The following ASPH variants were observed in gnomAD, a reference collection of about 807,000 sequenced individuals.
ASPH encodes the protein aspartyl/asparaginyl beta-hydroxylase.
ASPH carries 100 observed loss-of-function variants against 118.4 expected under a neutral mutation model. That is an observed-to-expected ratio of 0.84 (90% CI 0.72 to 1.00). The LOEUF is 1.00. Among genes scored for constraint, ASPH ranks in the 50% least tolerant of loss-of-function variants. The pLI, the probability that ASPH is intolerant of heterozygous loss-of-function variation, is 0.00. For missense variants in ASPH, 920 were observed against 919.5 expected (o/e 1.00, Z -0.01); for synonymous variants, 315 against 325.6 (o/e 0.97, Z 0.35).
chr8:61,662,499 C>A lies in ASPH; in HGVS notation c.323-8839G>T, dbSNP rs1817417086. On this transcript the variant is annotated intron_variant, in intron 3 of 24. Transcript: ENST00000379454. ...AGAAAACAATATGAAGCAAACAATA[C>A]AGAAATAACAACCTACTGAATAAAA... Among the ~76,000 whole-genome samples the A allele has an allele frequency of 2.0e-5, 3 of 152,090 alleles. No homozygotes were observed. The South Asian group carries it at 6.2e-4, about 31-fold the overall frequency.
chr8:61,589,197 T>C (rs932442754), intron 14 of ASPH, among the ~76,000 whole-genome samples: 1 of 152,198 alleles, frequency 6.6e-6, no homozygotes, highest in Non-Finnish European at 1.5e-5. Flanking sequence ...TAGATGTATA[T>C]GCATCATAGA....
At chr8:61,649,890 T>C (rs1285326482) in intron 5 of ASPH, among the ~76,000 whole-genome samples, 1 of 152,116 alleles carries the variant, frequency 6.6e-6, no homozygotes, top group Non-Finnish European at 1.5e-5. Context: ...AAAAATATCC[T>C]TTTTCTCATG....
intron 1 of ASPH, among the ~76,000 whole-genome samples, chr8:61,685,364 T>C (rs1268794191): frequency 6.6e-6 from 1 of 152,142 alleles, no homozygotes; most frequent in Non-Finnish European, 1.5e-5. Flanking sequence ...CAGGAATAAT[T>C]ATCTGTTTTA....
Position 61,546,323 on chromosome 8 carries a change from G to A in ASPH, c.1764+1748C>T, listed in dbSNP as rs185869329. On this transcript the variant is annotated intron_variant, in intron 21 of 24. Coordinates refer to ENST00000379454, the MANE Select transcript of ASPH (RefSeq NM_004318.4). ...TAAGCCAGGTTTGAATTGCATTTCCGTGTTTTGAATTTGAAAGGATCCCAA... is the reference window on the plus strand; with the variant it reads ...TAAGCCAGGTTTGAATTGCATTTCCATGTTTTGAATTTGAAAGGATCCCAA... Among the ~76,000 whole-genome samples the A allele has an allele frequency of 5.1e-4, 78 of 152,266 alleles. 1 individual carries two copies. The highest frequency in any genetic ancestry group is 1.7e-3 in the African/African-American group (69 of 41,556).
At chr8:61,706,331 G>T (rs1271678348) in intron 1 of ASPH, among the ~76,000 whole-genome samples, 1 of 146,878 alleles carries the variant, frequency 6.8e-6, no homozygotes, top group Non-Finnish European at 1.5e-5. Flanking sequence ...GCTGAGGTCG[G>T]AGGATCACCG....
At chr8:61,665,092 T>C in intron 3 of ASPH, 2 of 1,409,926 alleles carry the variant, frequency 1.4e-6, no homozygotes, top group Middle Eastern at 2.5e-4. Context: ...AGACGGTATA[T>C]TTAAATTTCA....
intron 13 of ASPH, among the ~76,000 whole-genome samples, chr8:61,630,241 A>G (rs77971951): frequency 4.3e-4 from 65 of 152,306 alleles, no homozygotes; most frequent in African/African-American, 1.4e-3. Flanking sequence ...GAAAAGAAAA[A>G]GTGAACTAAT....
chr8:61,543,117 T>A lies in ASPH; in HGVS notation c.1764+4954A>T, dbSNP rs915175291. Among the ~76,000 whole-genome samples the A allele has an allele frequency of 2.0e-5, 3 of 152,212 alleles. No individual in the cohort carries two copies. In the South Asian group the frequency reaches 6.2e-4, roughly 32 times the overall value. Reference sequence around the variant, plus strand: ...TGATGTGTCTAGGTATGTTTCTGAGTTTATCCTCCTTATAATTCATTGAGC... The same window carrying A: ...TGATGTGTCTAGGTATGTTTCTGAGATTATCCTCCTTATAATTCATTGAGC... On this transcript the variant is annotated intron_variant, in intron 21 of 24. Transcript: ENST00000379454.
At chr8:61,623,210 C>A (rs917318135) in intron 13 of ASPH, among the ~76,000 whole-genome samples, 4 of 152,188 alleles carry the variant, frequency 2.6e-5, no homozygotes, top group Non-Finnish European at 5.9e-5. Context: ...ACATGCTCAC[C>A]AGCATTCATT....
chr8:61,682,200 A>G (rs1466492933), intron 2 of ASPH, among the ~76,000 whole-genome samples: 1 of 152,072 alleles, frequency 6.6e-6, no homozygotes, highest in African/African-American at 2.4e-5. Context: ...TGATGAAAGA[A>G]GAGATAAGGA....
intron 3 of ASPH, chr8:61,665,618 T>C (rs891690946): frequency 6.4e-7 from 1 of 1,551,064 alleles, no homozygotes; most frequent in Admixed American, 2.2e-5. Context: ...TTTCAGATTT[T>C]CCAATTAAAG....
intron 21 of ASPH, 77 bp downstream of exon 21, chr8:61,547,994 T>C (rs1174398670): frequency 1.4e-6 from 2 of 1,474,966 alleles, no homozygotes; most frequent in Non-Finnish European, 1.8e-6. Flanking sequence ...GACATTCCTT[T>C]TTATGATAAA....
intron 3 of ASPH, chr8:61,658,771 G>A (rs1815148673): frequency 6.6e-6 from 1 of 152,018 alleles, no homozygotes; most frequent in Non-Finnish European, 1.5e-5. Flanking sequence ...AATCTTTTGG[G>A]TTCTTCAAAA....
chr8:61,590,295 C>T (rs1414544138), intron 14 of ASPH, among the ~76,000 whole-genome samples: 1 of 152,048 alleles, frequency 6.6e-6, no homozygotes, highest in African/African-American at 2.4e-5. Flanking sequence ...AGAGTGCTTG[C>T]TCTGGGAGTA....
intron 1 of ASPH, 142 bp from the exon 2 acceptor site, chr8:61,684,330 A>G: frequency 3.6e-6 from 3 of 844,916 alleles, no homozygotes; most frequent in South Asian, 4.9e-5. Context: ...TTCTCAAAAC[A>G]CGTCACACAA....
intron 1 of ASPH, 156 bp from the exon 2 acceptor site, chr8:61,684,344 ATTT>A (rs1424852809): frequency 3.8e-6 from 3 of 785,016 alleles, no homozygotes; most frequent in Non-Finnish European, 5.7e-6. Flanking sequence ...CACACAAAAT[ATTT>A]CTGAAAACAG....
chr8:61,682,390 C>A (rs1206446551), intron 2 of ASPH: 3 of 1,552,154 alleles, frequency 1.9e-6, no homozygotes, highest in Non-Finnish European at 2.7e-6. Flanking sequence ...AAGGATGAGC[C>A]ATTAGAGAGT....
At chr8:61,640,176 TG>T (rs1804456821) in intron 10 of ASPH, among the ~76,000 whole-genome samples, 1 of 152,144 alleles carries the variant, frequency 6.6e-6, no homozygotes, top group Admixed American at 6.5e-5. Flanking sequence ...ATCCCTTTCT[TG>T]AAACTCATCT....
intron 19 of ASPH, among the ~76,000 whole-genome samples, chr8:61,555,579 C>T (rs2131235563): frequency 6.6e-6 from 1 of 152,344 alleles, no homozygotes; most frequent in Admixed American, 6.5e-5. Context: ...AGGCATGAGC[C>T]ACCACACCCG....
Sources: allele counts gnomAD v4.1 joint callset (sites outside exome capture counted in the v4.1 genomes callset), GRCh38; gene constraint gnomAD v4.1.1; transcripts MANE v1.5; gene names NCBI Gene and HGNC (gene_info 2026-07-23, HGNC 2026-07-21).